Variants in CCM2 observed in about 807,000 individuals in gnomAD.
CCM2 encodes cerebral cavernous malformations 2 protein.
A neutral mutation model predicts 44.9 loss-of-function variants in CCM2; 25 were observed. The ratio of observed to expected loss-of-function variants is 0.56; its 90% CI spans 0.41 to 0.78. The LOEUF is 0.78. Among genes scored for constraint, CCM2 ranks in the 30% least tolerant of loss-of-function variants. The pLI is 0.00. For synonymous variants in CCM2, 219 were observed against 241.1 expected, an observed-to-expected ratio of 0.91 and a Z score of 0.85; for missense variants, 481 against 580.6, an observed-to-expected ratio of 0.83 and a Z score of 1.76.
intron 2 of CCM2, among the ~76,000 whole-genome samples, chr7:45,060,527 A>G (rs1798470709): frequency 6.6e-6 from 1 of 152,204 alleles, no homozygotes; most frequent in African/African-American, 2.4e-5. Context: ...ATTACTCCAA[A>G]TAGTTATTGT....
At chr7:45,056,054 G>A (rs1382926651) in intron 2 of CCM2, among the ~76,000 whole-genome samples, 2 of 152,156 alleles carry the variant, frequency 1.3e-5, no homozygotes, top group Non-Finnish European at 2.9e-5. Flanking sequence ...CATTGTATGT[G>A]TAGATCACAT....
chr7:45,013,508 T>G (rs963941610), intron 1 of CCM2, among the ~76,000 whole-genome samples: 4 of 152,114 alleles, frequency 2.6e-5, no homozygotes, highest in African/African-American at 9.7e-5. Flanking sequence ...CCCATGACCC[T>G]TTAACACTTC....
rs184813255 is a variant in CCM2 at position 45,014,523 on chromosome 7, C to T, written c.30+14160C>T. Reference sequence around the variant, plus strand: ...CTTTTAATTTTGGCCATGTTGCCCACGCTAGTCTTGAACTCCTGGGCTCAA... The same window carrying T: ...CTTTTAATTTTGGCCATGTTGCCCATGCTAGTCTTGAACTCCTGGGCTCAA... On this transcript the variant is annotated intron_variant, in intron 1 of 9. Coordinates refer to ENST00000258781, the MANE Select transcript of CCM2 (RefSeq NM_031443.4). Among the ~76,000 whole-genome samples the T allele has an allele frequency of 2.2e-4, 34 of 152,138 alleles. 1 individual carries two copies. Among genetic ancestry groups the T allele is most frequent in the Admixed American group, 2.0e-3 (31 of 15,256 alleles).
At chr7:45,070,960 C>T (rs1359068955) in intron 6 of CCM2, 2 of 152,596 alleles carry the variant, frequency 1.3e-5, no homozygotes, top group South Asian at 2.1e-4. Flanking sequence ...GGCTGCTCCT[C>T]AGTGCCTCCT....
At chr7:45,064,356 G>A in intron 3 of CCM2, 107 bp from the exon 4 acceptor site, 2 of 1,091,298 alleles carry the variant, frequency 1.8e-6, no homozygotes, top group East Asian at 2.5e-5. Context: ...TATTCACTCA[G>A]CATTTGTCAC....
Position 45,076,070 on chromosome 7 carries a change from G to C in CCM2, c.*13G>C, listed in dbSNP as rs767862839. Reference sequence around the variant, plus strand: ...GGACTCAGCATGATGGACAGTGGATGGGGGGGCACCCACACCTTCCGCGCA... The same window carrying C: ...GGACTCAGCATGATGGACAGTGGATCGGGGGGCACCCACACCTTCCGCGCA... On this transcript the variant is annotated 3_prime_UTR_variant, in exon 10 of 10. Transcript: ENST00000258781. The C allele has an allele frequency of 1.1e-5, 18 of 1,612,496 alleles. No individual in the cohort carries two copies. In the Admixed American group the frequency reaches 1.5e-4, roughly 13 times the overall value.
intron 2 of CCM2, among the ~76,000 whole-genome samples, chr7:45,055,916 G>A (rs1308673333): frequency 3.3e-5 from 5 of 152,196 alleles, no homozygotes; most frequent in African/African-American, 1.2e-4. Context: ...GGTATCTTAT[G>A]TAAGTGGAAT....
chr7:45,035,688 A>T (rs1338525710), intron 1 of CCM2, among the ~76,000 whole-genome samples: 1 of 152,172 alleles, frequency 6.6e-6, no homozygotes, highest in Non-Finnish European at 1.5e-5. Context: ...TTAGCAGATT[A>T]TAGGGCTTTA....
chr7:45,071,789 ACTGTCAGCTTC>A, intron 6 of CCM2: 1 of 456,596 alleles, frequency 2.2e-6, no homozygotes, highest in South Asian at 1.5e-5. Flanking sequence ...TCTTCCTTTG[ACTGTCAGCTTC>A]CTCTGCATTT....
chr7:45,015,936 C>T (rs1796246154), intron 1 of CCM2, among the ~76,000 whole-genome samples: 1 of 152,216 alleles, frequency 6.6e-6, no homozygotes, highest in Non-Finnish European at 1.5e-5. Context: ...TTTTAAAAGA[C>T]CGAAGAAAAG....
chr7:45,000,621 C>T (rs1235024932), intron 1 of CCM2, among the ~76,000 whole-genome samples: 2 of 152,128 alleles, frequency 1.3e-5, no homozygotes, highest in African/African-American at 2.4e-5. Context: ...CTTCCCTGCG[C>T]GTCGGGACCT....
At chr7:45,005,688 AT>A (rs754266330) in intron 1 of CCM2, among the ~76,000 whole-genome samples, 4 of 152,250 alleles carry the variant, frequency 2.6e-5, no homozygotes, top group Admixed American at 1.3e-4. Flanking sequence ...CTTGCCTATT[AT>A]GTGCTTAGCC....
At chr7:45,025,165 T>C (rs985121208) in intron 1 of CCM2, among the ~76,000 whole-genome samples, 7 of 152,206 alleles carry the variant, frequency 4.6e-5, no homozygotes, top group African/African-American at 1.4e-4. Context: ...TAGGTACTTA[T>C]ATAAGAGAGA....
intron 1 of CCM2, among the ~76,000 whole-genome samples, chr7:45,031,512 A>G: frequency 6.6e-6 from 1 of 151,720 alleles, no homozygotes; most frequent in Non-Finnish European, 1.5e-5. Context: ...TCAGGTAGCT[A>G]GGACTACAGA....
chr7:45,072,505 G>A (rs1479735949), intron 6 of CCM2: 3 of 634,666 alleles, frequency 4.7e-6, no homozygotes, highest in Non-Finnish European at 8.6e-6. Flanking sequence ...ATTTGCATTT[G>A]CCAGGATCCC....
At chr7:45,006,028 A>G (rs971393768) in intron 1 of CCM2, among the ~76,000 whole-genome samples, 8 of 152,208 alleles carry the variant, frequency 5.3e-5, no homozygotes, top group Non-Finnish European at 8.8e-5. Flanking sequence ...CAGATGCTGG[A>G]GACTGAAATG....
intron 1 of CCM2, among the ~76,000 whole-genome samples, chr7:45,014,789 T>G (rs1437697202): frequency 6.6e-6 from 1 of 151,736 alleles, no homozygotes; most frequent in Non-Finnish European, 1.5e-5. Context: ...GCCTGTCTAA[T>G]TTTTGAATTT....
chr7:45,075,703 T>C (rs1275781735), intron 9 of CCM2, 74 bp from the exon 10 acceptor site: 1 of 1,597,808 alleles, frequency 6.3e-7, no homozygotes, highest in African/African-American at 1.3e-5. Context: ...GTCAGGGGGC[T>C]TTGAGCCCTG....
At chr7:45,005,398 T>C (rs1018513412) in intron 1 of CCM2, among the ~76,000 whole-genome samples, 1 of 152,224 alleles carries the variant, frequency 6.6e-6, no homozygotes, top group African/African-American at 2.4e-5. Context: ...CAGAGGAAGA[T>C]AGTGTAAAGC....
Sources: gnomAD v4.1 joint callset for allele counts (sites outside exome capture counted in the v4.1 genomes callset) on GRCh38, gnomAD v4.1.1 for gene constraint, MANE v1.5 for transcripts, NCBI Gene and HGNC (gene_info 2026-07-23, HGNC 2026-07-21) for gene names.